The following GTF2I variants were observed in gnomAD, a reference collection of about 807,000 sequenced individuals.
The protein encoded by GTF2I is general transcription factor II-I.
GTF2I carries 12 observed loss-of-function variants against 67.6 expected under a neutral mutation model. The ratio of observed to expected loss-of-function variants is 0.18; its 90% CI spans 0.11 to 0.29. GTF2I has a LOEUF of 0.29. Among genes scored for constraint, GTF2I ranks in the 10% least tolerant of loss-of-function variants. The pLI is 1.00. For missense variants in GTF2I, 271 were observed against 580.1 expected (o/e 0.47, Z 5.47); for synonymous variants, 149 against 197.0 (o/e 0.76, Z 2.04).
At chr7:74,665,363 T>A (rs1804883707) in intron 1 of GTF2I, among the ~76,000 whole-genome samples, 1 of 152,080 alleles carries the variant, frequency 6.6e-6, no homozygotes, top group Non-Finnish European at 1.5e-5. Flanking sequence ...GTGATTCTTG[T>A]GCCTCAGCCT....
intron 3 of GTF2I, among the ~76,000 whole-genome samples, chr7:74,693,049 A>G (rs1342320469): frequency 6.6e-6 from 1 of 151,002 alleles, no homozygotes; most frequent in Admixed American, 6.6e-5. Flanking sequence ...GGCATGAGCC[A>G]CTGTGCCCGA....
intron 3 of GTF2I, 44 bp downstream of exon 3, chr7:74,691,155 C>T: frequency 7.3e-7 from 1 of 1,369,504 alleles, no homozygotes; most frequent in South Asian, 1.2e-5. Context: ...TAATTTTAAG[C>T]CTAAATATTT....
intron 1 of GTF2I, among the ~76,000 whole-genome samples, chr7:74,674,118 G>A (rs1805694957): frequency 6.8e-6 from 1 of 147,112 alleles, no homozygotes; most frequent in African/African-American, 2.5e-5. Flanking sequence ...CTCCCAAGCT[G>A]GAGTGCAGTG....
chr7:74,718,080 C>T (rs1322493584), intron 11 of GTF2I, among the ~76,000 whole-genome samples: 1 of 152,166 alleles, frequency 6.6e-6, no homozygotes. Context: ...TGGGCAGTAC[C>T]GATGGCTCAC....
At chr7:74,663,863 T>A (rs1804731499) in intron 1 of GTF2I, among the ~76,000 whole-genome samples, 1 of 152,116 alleles carries the variant, frequency 6.6e-6, no homozygotes, top group Non-Finnish European at 1.5e-5. Context: ...GAGTCTCGCT[T>A]TTGTCACCCA....
chr7:74,708,181 T>C (rs1440905928), intron 8 of GTF2I, among the ~76,000 whole-genome samples: 2 of 151,954 alleles, frequency 1.3e-5, no homozygotes, highest in East Asian at 1.9e-4. Context: ...TGGGCGCCTG[T>C]AATCCCAGCT....
chr7:74,731,003 G>C (rs1488187609), intron 14 of GTF2I, among the ~76,000 whole-genome samples: 3 of 140,876 alleles, frequency 2.1e-5, no homozygotes, highest in Non-Finnish European at 3.1e-5. Flanking sequence ...CACCCTTCCC[G>C]GCCACTGCTT....
At chr7:74,701,108 G>C (rs373628271) in intron 6 of GTF2I, among the ~76,000 whole-genome samples, 2 of 152,204 alleles carry the variant, frequency 1.3e-5, no homozygotes, top group African/African-American at 4.8e-5. Flanking sequence ...TTGGAGGTTG[G>C]ATTCCTTTAT....
intron 29 of GTF2I, among the ~76,000 whole-genome samples, chr7:74,753,503 C>T (rs1554410379): frequency 2.0e-5 from 3 of 150,674 alleles, no homozygotes; most frequent in East Asian, 4.0e-4. Flanking sequence ...GAAACCCTGT[C>T]TCTACTAAAA....
chr7:74,681,425 ACT>A (rs1787259037), intron 1 of GTF2I, among the ~76,000 whole-genome samples: 1 of 151,862 alleles, frequency 6.6e-6, no homozygotes, highest in Non-Finnish European at 1.5e-5. Context: ...ATAGAGCAAG[ACT>A]CTGTCTCAAA....
chr7:74,715,061 A>G, intron 10 of GTF2I, 145 bp downstream of exon 10: 1 of 472,502 alleles, frequency 2.1e-6, no homozygotes, highest in Non-Finnish European at 3.7e-6. Context: ...TTTTTTTAAC[A>G]TATAAATGAA....
chr7:74,750,162 C>T (rs1323605791), intron 26 of GTF2I, among the ~76,000 whole-genome samples: 2 of 87,750 alleles, frequency 2.3e-5, no homozygotes, highest in African/African-American at 3.3e-5. Flanking sequence ...AGGAATGGGC[C>T]GGGTGCGGCC....
intron 1 of GTF2I, among the ~76,000 whole-genome samples, chr7:74,681,649 C>G (rs587704012): frequency 6.6e-6 from 1 of 152,202 alleles, no homozygotes; most frequent in Non-Finnish European, 1.5e-5. Flanking sequence ...TAGTGGCTTA[C>G]GCCTGTAATC....
chr7:74,697,773 A>G (rs2131323759), intron 3 of GTF2I, among the ~76,000 whole-genome samples: 1 of 151,902 alleles, frequency 6.6e-6, no homozygotes, highest in African/African-American at 2.4e-5. Flanking sequence ...CCTGCCTTTT[A>G]TTTTTTATTT....
At chr7:74,669,233 T>G (rs1278891996) in intron 1 of GTF2I, among the ~76,000 whole-genome samples, 1 of 144,142 alleles carries the variant, frequency 6.9e-6, no homozygotes, top group Non-Finnish European at 1.5e-5. Flanking sequence ...AGTTTTTTTT[T>G]TTTTTTTTTT....
intron 1 of GTF2I, among the ~76,000 whole-genome samples, chr7:74,669,060 C>T (rs917937634): frequency 6.6e-6 from 1 of 151,830 alleles, no homozygotes; most frequent in African/African-American, 2.4e-5. Context: ...TTTATCATGT[C>T]GGGAACAGTA....
chr7:74,698,958 C>A lies in GTF2I; in HGVS notation c.239-3C>A. ...TTTATTTTATTTTTTATTTTTTTTACAGGTGTTGAAGAAGAAGAAAAAGCT... is the reference window on the plus strand; with the variant it reads ...TTTATTTTATTTTTTATTTTTTTTAAAGGTGTTGAAGAAGAAGAAAAAGCT... On this transcript the variant is annotated splice_polypyrimidine_tract_variant and splice_region_variant and intron_variant, in intron 3 of 34. Coordinates refer to ENST00000573035, the MANE Select transcript of GTF2I (RefSeq NM_032999.4). 2 of 1,274,194 alleles carry A rather than the reference C, an allele frequency of 1.6e-6. No individual in the cohort carries two copies. Among genetic ancestry groups the A allele is most frequent in the Non-Finnish European group, 2.1e-6 (2 of 966,370 alleles). 78.9% of individuals were successfully genotyped at this position (1,274,194 alleles called of 1,614,324 possible).
At chr7:74,704,168 T>C (rs1282575026) in intron 6 of GTF2I, among the ~76,000 whole-genome samples, 1 of 152,168 alleles carries the variant, frequency 6.6e-6, no homozygotes, top group African/African-American at 2.4e-5. Flanking sequence ...ATGATGTTAG[T>C]GGTAGGATTT....
chr7:74,683,142 C>G (rs1787406495), intron 1 of GTF2I, among the ~76,000 whole-genome samples: 1 of 152,154 alleles, frequency 6.6e-6, no homozygotes, highest in African/African-American at 2.4e-5. Context: ...GATACCATTT[C>G]ATAGTTAAGC....
Sources: allele counts gnomAD v4.1 joint callset (sites outside exome capture counted in the v4.1 genomes callset), GRCh38; gene constraint gnomAD v4.1.1; transcripts MANE v1.5; gene names NCBI Gene and HGNC (gene_info 2026-07-23, HGNC 2026-07-21).